Variants in UBAP2L observed in about 807,000 individuals in gnomAD.
UBAP2L encodes the protein ubiquitin-associated protein 2-like.
In UBAP2L, 12 loss-of-function variants were observed where a neutral mutation model predicts 130.6. The ratio of observed to expected loss-of-function variants is 0.09; its 90% CI spans 0.06 to 0.15. The LOEUF (loss-of-function observed/expected upper bound fraction) is 0.15, where lower values mean the gene tolerates loss of function less well. UBAP2L is among the 10% of genes least tolerant of loss of function. UBAP2L has a pLI of 1.00. For missense variants in UBAP2L, 965 were observed against 1,332.5 expected (o/e 0.72, Z 4.29); for synonymous variants, 503 against 524.7 (o/e 0.96, Z 0.57).
chr1:154,238,499 A>G (rs1346333971), intron 8 of UBAP2L, among the ~76,000 whole-genome samples: 1 of 152,182 alleles, frequency 6.6e-6, no homozygotes, highest in South Asian at 2.1e-4. Flanking sequence ...TTAGTTGTGA[A>G]TAGAAATTCA....
chr1:154,228,608 C>CT lies in UBAP2L; in HGVS notation c.169-4dup. The CT allele has an allele frequency of 6.2e-7, 1 of 1,609,468 alleles. No homozygotes were observed. The highest frequency in any genetic ancestry group is 8.5e-7 in the Non-Finnish European group (1 of 1,176,578). On this transcript the variant is annotated splice_polypyrimidine_tract_variant and splice_region_variant and intron_variant, in intron 3 of 26. Coordinates refer to ENST00000428931, the MANE Select transcript of UBAP2L (RefSeq NM_014847.4). The stretch of plus-strand genomic sequence containing the variant: ...GTTCATGATGGTTGCTGTTTTTTCT[C>CT]TTTCAGTTGATTGATATTACAGGCA...
intron 24 of UBAP2L, chr1:154,263,572 T>TG: frequency 1.0e-6 from 1 of 961,072 alleles, no homozygotes; most frequent in Middle Eastern, 5.2e-4. Flanking sequence ...GGATGAAGGG[T>TG]GGAGGGTGGC....
intron 18 of UBAP2L, among the ~76,000 whole-genome samples, chr1:154,256,246 T>G (rs1273073508): frequency 6.6e-6 from 1 of 152,188 alleles, no homozygotes; most frequent in Non-Finnish European, 1.5e-5. Context: ...AAGGACCCAT[T>G]TTGGACAAAA....
chr1:154,248,402 G>A lies in UBAP2L; in HGVS notation c.1015-837G>A, dbSNP rs114394338. ...TTTGCCTCTGTGCTAGTTATTAGCA[G>A]CATCGAGATGAGGCTCCAGTTAATT... On this transcript the variant is annotated intron_variant, in intron 11 of 26. Coordinates refer to ENST00000428931, the MANE Select transcript of UBAP2L (RefSeq NM_014847.4). Among the ~76,000 whole-genome samples, 879 of 152,234 alleles carry A rather than the reference G, an allele frequency of 5.8e-3. 13 individuals carry two copies. Among genetic ancestry groups the A allele is most frequent in the Middle Eastern group, 0.024 (7 of 294 alleles).
intron 24 of UBAP2L, 63 bp from the exon 25 acceptor site, chr1:154,266,438 C>T: frequency 6.4e-7 from 1 of 1,550,588 alleles, no homozygotes; most frequent in Non-Finnish European, 8.9e-7. Context: ...ATCACCTCAT[C>T]TCAGGAATAA....
chr1:154,238,102 G>C (rs1347007316), intron 8 of UBAP2L, among the ~76,000 whole-genome samples: 2 of 152,146 alleles, frequency 1.3e-5, no homozygotes, highest in Admixed American at 6.5e-5. Flanking sequence ...GGGCCTTTAG[G>C]AGAGCCTTTG....
chr1:154,221,884 C>G (rs887615538), intron 1 of UBAP2L, among the ~76,000 whole-genome samples: 14 of 152,216 alleles, frequency 9.2e-5, no homozygotes, highest in Admixed American at 8.5e-4. Context: ...AGGGACGTCA[C>G]TAGAGCACTG....
rs1321390342 is a variant in UBAP2L, at chr1:154,263,176, G to A, written c.2902+1479G>A. On this transcript the variant is annotated intron_variant, in intron 24 of 26. Coordinates refer to ENST00000428931, the MANE Select transcript of UBAP2L (RefSeq NM_014847.4). ...AATTTGGCCCAAGGCTGGGGGCTGTGTTTTGTGTGTGTGTATAAATTTGCA... is the reference window on the plus strand; with the variant it reads ...AATTTGGCCCAAGGCTGGGGGCTGTATTTTGTGTGTGTGTATAAATTTGCA... The A allele has an allele frequency of 3.2e-6, 5 of 1,551,518 alleles. No individual in the cohort carries two copies. The African/African-American group carries it at 6.8e-5, about 21-fold the overall frequency.
At position 154,234,723 on chromosome 1, in the gene UBAP2L, C is replaced by T; in HGVS notation, c.412C>T (p.Pro138Ser). The change falls in exon 5 of 27, where the codon CCA becomes TCA. Residue 138 changes from proline (P) to serine (S), a missense_variant. Pro to Ser is a moderately conservative substitution (Grantham distance 74). Coordinates refer to ENST00000428931, the MANE Select transcript of UBAP2L (RefSeq NM_014847.4). ...CTATAGTCGGCGACGTGGTGGGCCA[C>T]CAAGACGGGGGAGAGGTGCCAGCCG... ...RDYSRRRGGP[P>S]RRGRGASRGR... 5 of 1,610,208 alleles carry T rather than the reference C, an allele frequency of 3.1e-6. No individual in the cohort carries two copies. The highest frequency in any genetic ancestry group is 4.2e-6 in the Non-Finnish European group (5 of 1,178,148).
At chr1:154,231,273 C>T (rs571317045) in intron 4 of UBAP2L, among the ~76,000 whole-genome samples, 14 of 148,776 alleles carry the variant, frequency 9.4e-5, no homozygotes, top group East Asian at 2.0e-4. Flanking sequence ...AACAGGTGTG[C>T]GCCACCACAC....
At chr1:154,258,857 G>A (rs1026628878) in intron 20 of UBAP2L, 120 bp from the exon 21 acceptor site, 8 of 740,874 alleles carry the variant, frequency 1.1e-5, no homozygotes, top group Admixed American at 6.9e-5. Flanking sequence ...GAAATAATCC[G>A]TGTCCTGTTC....
At chr1:154,232,383 G>C (rs1236773576) in intron 4 of UBAP2L, among the ~76,000 whole-genome samples, 1 of 151,174 alleles carries the variant, frequency 6.6e-6, no homozygotes, top group Non-Finnish European at 1.5e-5. Flanking sequence ...AGTTCCATTT[G>C]TACAGGTTTT....
rs764283617 is a variant in UBAP2L at position 154,260,010 on chromosome 1, G to C, written c.2559G>C (p.Leu853=). The part of the protein sequence containing the change: ...TTPLTGRDGS[L]ASNPYSGDLT... ...CGCTGACTGGGAGGGATGGTAGCCT[G>C]GCCAGCAACCCTTATTCTGGTAGGA... The change falls in exon 22 of 27, where the codon CTG becomes CTC. Residue 853 remains leucine, a synonymous_variant. Transcript: ENST00000428931. The C allele has an allele frequency of 2.5e-6, 4 of 1,614,036 alleles. No homozygotes were observed. Among genetic ancestry groups the C allele is most frequent in the Non-Finnish European group, 3.4e-6 (4 of 1,180,028 alleles).
chr1:154,243,853 C>CT (rs911675153), intron 10 of UBAP2L, among the ~76,000 whole-genome samples: 6 of 152,190 alleles, frequency 3.9e-5, no homozygotes, highest in African/African-American at 1.4e-4. Context: ...GCAAATAGCA[C>CT]TTTAATTACA....
intron 11 of UBAP2L, among the ~76,000 whole-genome samples, chr1:154,248,687 G>A (rs1322649827): frequency 4.6e-5 from 7 of 152,060 alleles, no homozygotes; most frequent in African/African-American, 1.7e-4. Flanking sequence ...GTGGTGGCGG[G>A]TGCCTGTAGT....
chr1:154,251,832 CA>C (rs1677699248), intron 14 of UBAP2L, among the ~76,000 whole-genome samples, 179 bp downstream of exon 14: 1 of 152,242 alleles, frequency 6.6e-6, no homozygotes, highest in Admixed American at 6.5e-5. Context: ...TGTAACTAAA[CA>C]GGTAGAAATA....
At chr1:154,240,449 C>T (rs1673146121) in intron 8 of UBAP2L, among the ~76,000 whole-genome samples, 1 of 152,092 alleles carries the variant, frequency 6.6e-6, no homozygotes. Context: ...AGTGTATACT[C>T]CCGTTGTCTG....
intron 21 of UBAP2L, 188 bp from the exon 22 acceptor site, chr1:154,259,760 A>C: frequency 1.3e-6 from 1 of 754,442 alleles, no homozygotes; most frequent in Non-Finnish European, 2.4e-6. Context: ...GACTGTGCTC[A>C]TGGCCAGGCA....
At position 154,262,056 on chromosome 1, in the gene UBAP2L, G is replaced by A. The variant is rs958124892; in HGVS notation, c.2902+359G>A. Among the ~76,000 whole-genome samples, 3 of 152,212 alleles carry A rather than the reference G, an allele frequency of 2.0e-5. No individual in the cohort carries two copies. The East Asian group carries it at 5.8e-4, about 29-fold the overall frequency. ...TGTATGGCACTGATAGTACAAAAGG[G>A]GGGTGTATTCACTGAGTAGAAGGAT... On this transcript the variant is annotated intron_variant, in intron 24 of 26. Coordinates refer to ENST00000428931, the MANE Select transcript of UBAP2L (RefSeq NM_014847.4).
Sources: allele counts gnomAD v4.1 joint callset (sites outside exome capture counted in the v4.1 genomes callset), GRCh38; gene constraint gnomAD v4.1.1; transcripts MANE v1.5; gene names NCBI Gene and HGNC (gene_info 2026-07-23, HGNC 2026-07-21).